The following RGPD3 variants were observed in gnomAD, a reference collection of about 807,000 sequenced individuals.
RGPD3 encodes RANBP2 like and GRIP domain containing 3.
In RGPD3, 62 loss-of-function variants were observed where a neutral mutation model predicts 154.5. The observed-to-expected ratio is 0.40, with a 90% CI of 0.33 to 0.50. RGPD3 has a LOEUF of 0.50. Among genes scored for constraint, RGPD3 ranks in the 20% least tolerant of loss-of-function variants. RGPD3 has a pLI of 0.59. For missense variants in RGPD3, 919 were observed against 1,716.8 expected, an observed-to-expected ratio of 0.54 and a Z score of 8.21; for synonymous variants, 308 against 607.0, an observed-to-expected ratio of 0.51 and a Z score of 7.24.
At chr2:106,409,398 A>G (rs946332440) in intron 22 of RGPD3, among the ~76,000 whole-genome samples, 19 of 152,192 alleles carry the variant, frequency 1.2e-4, no homozygotes, top group African/African-American at 4.3e-4. Context: ...CTTGAAGTAC[A>G]TCATTAAGAA....
chr2:106,467,613 C>G (rs866527153), intron 1 of RGPD3, among the ~76,000 whole-genome samples: 6 of 136,356 alleles, frequency 4.4e-5, no homozygotes, highest in South Asian at 2.3e-4. Context: ...AGGCAGCCGC[C>G]GGGCCGGGTC....
At position 106,413,275 on chromosome 2, in the gene RGPD3, C is replaced by T. The variant is rs1676728641; in HGVS notation, c.5075G>A (p.Ser1692Asn). The T allele has an allele frequency of 5.0e-6, 8 of 1,611,836 alleles. No individual in the cohort carries two copies. Among genetic ancestry groups the T allele is most frequent in the Admixed American group, 1.7e-5 (1 of 59,988 alleles). The change falls in exon 22 of 23, where the codon AGT becomes AAT. Residue 1692 changes from serine to asparagine, a missense_variant. Ser to Asn is a conservative substitution (Grantham distance 46). Transcript: ENST00000409886. ...ATTCCTTTCCAATCTTCTTATTTCA[C>T]TTTTGAGAAGCTGGTGTTAGAGAAA... is the stretch of plus-strand genomic sequence containing the variant. ...VLMEQIKLLKSEIRRLERNQE... is the reference protein window; with the variant it reads ...VLMEQIKLLKNEIRRLERNQE...
At chr2:106,438,117 G>A (rs1238602469) in intron 9 of RGPD3, among the ~76,000 whole-genome samples, 2 of 151,242 alleles carry the variant, frequency 1.3e-5, no homozygotes, top group East Asian at 4.0e-4. Context: ...TAGTAGAGAC[G>A]GGGTTTCACC....
At chr2:106,466,333 G>A (rs1678587942) in intron 1 of RGPD3, among the ~76,000 whole-genome samples, 1 of 150,702 alleles carries the variant, frequency 6.6e-6, no homozygotes, top group South Asian at 2.1e-4. Context: ...CGCCCGTCAG[G>A]AGCCATGACG....
At chr2:106,405,403 T>C (rs1475191229) in intron 22 of RGPD3, among the ~76,000 whole-genome samples, 174 bp from the exon 23 acceptor site, 5 of 128,988 alleles carry the variant, frequency 3.9e-5, no homozygotes, top group African/African-American at 1.5e-4. Context: ...TGAGACAGGG[T>C]CTTGCTCTGT....
At position 106,413,584 on chromosome 2, in the gene RGPD3, T is replaced by G. The variant is rs574151320; in HGVS notation, c.5065-299A>C. On this transcript the variant is annotated intron_variant, in intron 21 of 22. Transcript: ENST00000409886. ...CATATGAACCAAGTGTTGGGCTATA[T>G]GACTCCACTGTCCTAAGCTATTTGG... 6.3e-3 allele frequency among the ~76,000 whole-genome samples: 961 copies of G among 152,314 alleles called. 7 individuals are homozygous for G. Among genetic ancestry groups the G allele is most frequent in the African/African-American group, 0.022 (894 of 41,522 alleles).
At position 106,443,729 on chromosome 2, in the gene RGPD3, G is replaced by GGCTGCAGT. The variant is rs1180503849; in HGVS notation, c.979-2357_979-2350dup. ...GAGATGGAGTCTCGCTCTGTTGCCA[G>GGCTGCAGT]GCTGCAGTGCTGCAGTGCTGCAGTG... is the stretch of plus-strand genomic sequence containing the variant. On this transcript the variant is annotated intron_variant, in intron 7 of 22. Coordinates refer to ENST00000409886, the MANE Select transcript of RGPD3 (RefSeq NM_001144013.2). Among the ~76,000 whole-genome samples the GGCTGCAGT allele has an allele frequency of 3.1e-4, 37 of 118,300 alleles. 1 individual carries two copies. Among genetic ancestry groups the GGCTGCAGT allele is most frequent in the East Asian group, 2.2e-3 (10 of 4,520 alleles). 77.6% of individuals were successfully genotyped at this position (118,300 alleles called of 152,430 possible).
chr2:106,411,618 G>C (rs1011142490), intron 22 of RGPD3, among the ~76,000 whole-genome samples: 1 of 150,866 alleles, frequency 6.6e-6, no homozygotes, highest in Non-Finnish European at 1.5e-5. Context: ...CAGAAGATCA[G>C]GAGATTGAGA....
intron 22 of RGPD3, among the ~76,000 whole-genome samples, chr2:106,412,042 A>G (rs1384988434): frequency 2.0e-5 from 3 of 147,400 alleles, no homozygotes; most frequent in Admixed American, 7.0e-5. Flanking sequence ...ATTTACGCCA[A>G]AAGATTGTCC....
intron 22 of RGPD3, among the ~76,000 whole-genome samples, chr2:106,410,150 C>T (rs1676627347): frequency 6.6e-6 from 1 of 151,978 alleles, no homozygotes; most frequent in Non-Finnish European, 1.5e-5. Flanking sequence ...TGCTGGATTA[C>T]AGGTGTGAGC....
At chr2:106,415,671 T>A (rs1676804367) in intron 21 of RGPD3, among the ~76,000 whole-genome samples, 179 bp downstream of exon 21, 1 of 56,584 alleles carries the variant, frequency 1.8e-5, no homozygotes, top group Non-Finnish European at 3.1e-5. Context: ...AGCAAGACTG[T>A]CTCAAAAAAA....
At position 106,425,025 on chromosome 2, in the gene RGPD3, C is replaced by T. The variant is rs1198070597; in HGVS notation, c.2942G>A (p.Gly981Glu). The T allele has an allele frequency of 1.9e-6, 3 of 1,611,878 alleles. No individual in the cohort carries two copies. Among genetic ancestry groups the T allele is most frequent in the Non-Finnish European group, 2.5e-6 (3 of 1,179,840 alleles). ...TFADVAKSTS[G>E]EGFQFGKKDL... The stretch of plus-strand genomic sequence containing the variant: ...TTTTTTGCCAAACTGAAATCCTTCT[C>T]CTGAAGTTGATTTTGCAACATCTGC... The change falls in exon 20 of 23, where the codon GGA becomes GAA. Residue 981 changes from glycine to glutamate, a missense_variant. Coordinates refer to ENST00000409886, the MANE Select transcript of RGPD3 (RefSeq NM_001144013.2).
chr2:106,424,152 G>T lies in RGPD3; in HGVS notation c.3815C>A (p.Pro1272Gln), dbSNP rs1276679528. ...SVSSSSVHASPLASSPVRKNL... is the reference protein window; with the variant it reads ...SVSSSSVHASQLASSPVRKNL... Reference sequence around the variant, plus strand: ...TTTTCTCACAGGGCTACTTGCCAATGGAGAAGCATGTACTGAGCTACTACT... The same window carrying T: ...TTTTCTCACAGGGCTACTTGCCAATTGAGAAGCATGTACTGAGCTACTACT... Residue 1272 changes from proline (P) to glutamine (Q), a missense_variant, in exon 20 of 23, where the codon CCA becomes CAA. Pro to Gln is a moderately conservative substitution (Grantham distance 76, BLOSUM62 -1). Transcript: ENST00000409886. The T allele has an allele frequency of 1.2e-6, 2 of 1,609,438 alleles. No individual in the cohort carries two copies. Among genetic ancestry groups the T allele is most frequent in the Non-Finnish European group, 8.5e-7 (1 of 1,179,684 alleles).
chr2:106,466,975 G>GGGCCAGGTCGAGGCTGCCGCCGCCT (rs1165348531), intron 1 of RGPD3, among the ~76,000 whole-genome samples: 1 of 123,186 alleles, frequency 8.1e-6, no homozygotes, highest in Non-Finnish European at 1.8e-5. Context: ...GGCCGCCGCA[G>GGGCCAGGTCGAGGCTGCCGCCGCCT]GGCCAGGTCG....
At position 106,424,515 on chromosome 2, in the gene RGPD3, A is replaced by G. The variant is rs780951637; in HGVS notation, c.3452T>C (p.Phe1151Ser). 22 of 1,606,354 alleles carry G rather than the reference A, an allele frequency of 1.4e-5. No individual in the cohort carries two copies. Among genetic ancestry groups the G allele is most frequent in the Non-Finnish European group, 1.9e-5 (22 of 1,179,098 alleles). Residue 1151 changes from phenylalanine (F) to serine (S), a missense_variant, in exon 20 of 23, where the codon TTT (phenylalanine) becomes TCT (serine). Physicochemically the swap from Phe to Ser is radical, Grantham distance 155. Coordinates refer to ENST00000409886, the MANE Select transcript of RGPD3 (RefSeq NM_001144013.2). ...TTCTTCAGCCAGCTCTGGTGTTTTA[A>G]ATTTTGCTGCCAATCGCTCTAGTTT... ...DAKLERLAAK[F>S]KTPELAEEFK...
At chr2:106,446,851 C>T (rs1163921712) in intron 7 of RGPD3, among the ~76,000 whole-genome samples, 1 of 151,554 alleles carries the variant, frequency 6.6e-6, no homozygotes, top group Non-Finnish European at 1.5e-5. Flanking sequence ...CACTGCACTC[C>T]AGCCTGGCGA....
In RGPD3 at chr2:106,424,721, C is replaced by T. The variant is rs1415837686; in HGVS notation, c.3246G>A (p.Leu1082=). 1.6e-5 allele frequency: 26 copies of T among 1,611,854 alleles called. No individual in the cohort carries two copies. Among genetic ancestry groups the T allele is most frequent in the Non-Finnish European group, 2.0e-5 (24 of 1,179,864 alleles). ...CGTTTTTGAGAATTTTTAAGTTCCC[C>T]AAGCCCCTTTCTTTCCACTGACTTA... ...AEVSQWKERG[L]GNLKILKNEV... The change falls in exon 20 of 23, where the codon TTG becomes TTA. Residue 1082 remains leucine (L), a synonymous_variant. Coordinates refer to ENST00000409886, the MANE Select transcript of RGPD3 (RefSeq NM_001144013.2).
intron 9 of RGPD3, among the ~76,000 whole-genome samples, chr2:106,438,499 AG>A (rs1677644981): frequency 6.8e-6 from 1 of 147,888 alleles, no homozygotes; most frequent in Admixed American, 6.8e-5. Context: ...AAATACAACA[AG>A]GCTGGTCACG....
chr2:106,404,483 C>CA lies in RGPD3; in HGVS notation c.*735dup, dbSNP rs1399861162. ...TTTAACTTAGCACAATTAACTGCAG[C>CA]ATATTTACTTCATAGCCCCTTAACA... On this transcript the variant is annotated 3_prime_UTR_variant, in exon 23 of 23. Coordinates refer to ENST00000409886, the MANE Select transcript of RGPD3 (RefSeq NM_001144013.2). Among the ~76,000 whole-genome samples the CA allele has an allele frequency of 2.2e-5, 3 of 138,970 alleles. No individual in the cohort carries two copies. The highest frequency in any genetic ancestry group is 4.6e-5 in the Non-Finnish European group (3 of 64,844). The allele number at this position is 138,970 out of a possible 152,430, so 91.2% of individuals were successfully genotyped here. A position where few individuals can be genotyped will look rare whatever the true frequency, so the allele number is the denominator to read the frequency against.
Sources: allele counts gnomAD v4.1 joint callset (sites outside exome capture counted in the v4.1 genomes callset), GRCh38; gene constraint gnomAD v4.1.1; transcripts MANE v1.5; gene names NCBI Gene and HGNC (gene_info 2026-07-23, HGNC 2026-07-21).